Variants in CDH24 observed in about 807,000 individuals in gnomAD.
CDH24 encodes cadherin-24.
A neutral mutation model predicts 71.2 loss-of-function variants in CDH24; 61 were observed. That is an observed-to-expected ratio of 0.86 (90% CI 0.70 to 1.06). The LOEUF (loss-of-function observed/expected upper bound fraction) is 1.06. CDH24 is among the 50% of genes least tolerant of loss of function. The pLI, the probability that CDH24 is intolerant of heterozygous loss-of-function variation, is 0.00. For missense variants in CDH24, 961 were observed against 1,083.7 expected (o/e 0.89, Z 1.59); for synonymous variants, 440 against 470.2 (o/e 0.94, Z 0.83).
At chr14:23,050,272 T>G in intron 8 of CDH24, 1 of 230,492 alleles carries the variant, frequency 4.3e-6, no homozygotes, top group Non-Finnish European at 8.5e-6. Context: ...TGCATACGAG[T>G]TGCATGCAGA....
Position 23,054,079 on chromosome 14 carries a change from T to C in CDH24, c.972+62A>G, listed in dbSNP as rs749874184. ...TCTGTTCTAGAAGAACAGTTAAATA[T>C]GTGCCCTGTGGGTCGGCAGGAGGCA... On this transcript the variant is annotated intron_variant, in intron 6 of 12. Coordinates refer to ENST00000487137, the MANE Select transcript of CDH24 (RefSeq NM_144985.4). The surrounding 1 kb of genome is among the most constrained non-coding windows in gnomAD (Gnocchi z 5.2). The C allele has an allele frequency of 7.4e-5, 109 of 1,480,692 alleles. No homozygotes were observed. Among genetic ancestry groups the C allele is most frequent in the Non-Finnish European group, 9.4e-5 (104 of 1,101,044 alleles). 91.7% of individuals were successfully genotyped at this position (1,480,692 alleles called of 1,614,324 possible).
intron 8 of CDH24, 196 bp from the exon 9 acceptor site, chr14:23,050,139 T>A: frequency 1.5e-6 from 1 of 684,662 alleles, no homozygotes. Context: ...ACAATATTCA[T>A]GTAGTACCCA....
At chr14:23,056,230 T>C (rs1039455228) in intron 1 of CDH24, among the ~76,000 whole-genome samples, 6 of 152,228 alleles carry the variant, frequency 3.9e-5, no homozygotes, top group African/African-American at 1.4e-4. Context: ...TTGGGATTCA[T>C]GGAGGTGTGG....
Position 23,052,008 on chromosome 14 carries a change from TG to T in CDH24, c.1363+464del. The T allele has an allele frequency of 1.9e-6, 3 of 1,589,456 alleles. No homozygotes were observed. In the East Asian group the frequency reaches 6.9e-5, roughly 36 times the overall value. On this transcript the variant is annotated intron_variant, in intron 8 of 12. Transcript: ENST00000487137. ...CACAGCGCTTCCAACAGGGCTTCTC[TG>T]GGGTGGGGCTGCTGGTGCACTCCAC...
chr14:23,050,984 G>A (rs35322369), intron 8 of CDH24, among the ~76,000 whole-genome samples: 24 of 152,050 alleles, frequency 1.6e-4, no homozygotes, highest in East Asian at 1.2e-3. Flanking sequence ...GTCTGGGTGC[G>A]GGTAGGAGCA....
Position 23,053,514 on chromosome 14 carries a change from G to A in CDH24, c.1208C>T (p.Ser403Phe), listed in dbSNP as rs753411461. Reference protein sequence around the residue: ...VGQISAADLDSPASPIRYSIL... With the variant: ...VGQISAADLDFPASPIRYSIL... Reference sequence around the variant, plus strand: ...CACCTACCTGATTGGGCTGGCAGGGGAGTCCAGGTCAGCCGCGGAGATCTG... The same window carrying A: ...CACCTACCTGATTGGGCTGGCAGGGAAGTCCAGGTCAGCCGCGGAGATCTG... The change falls in exon 7 of 13, where the codon TCC becomes TTC. Residue 403 changes from serine to phenylalanine, a missense_variant. Physicochemically the swap from Ser to Phe is radical, Grantham distance 155 (BLOSUM62 -2). Around this residue, in one of 2 missense-constraint regions of CDH24, gnomAD observed 671 missense variants for 810.9 expected, o/e 0.83. Coordinates refer to ENST00000487137, the MANE Select transcript of CDH24 (RefSeq NM_144985.4). 1.3e-6 allele frequency: 2 copies of A among 1,582,284 alleles called. No individual in the cohort carries two copies. Among genetic ancestry groups the A allele is most frequent in the Non-Finnish European group, 1.7e-6 (2 of 1,157,034 alleles).
Position 23,054,302 on chromosome 14 carries a change from T to C in CDH24, c.811A>G (p.Thr271Ala), listed in dbSNP as rs1339659055. 6.2e-7 allele frequency: 1 copy of C among 1,607,370 alleles called. No homozygotes were observed. The highest frequency in any genetic ancestry group is 8.5e-7 in the Non-Finnish European group (1 of 1,176,032). ...QSLYQFSVVE[T>A]AGPGTLVGRL... ...CCCACCAGTGTGCCAGGTCCAGCTG[T>C]CTCCACCACGGAGAACTGGTATAGG... Residue 271 changes from threonine to alanine, a missense_variant, in exon 6 of 13, where the codon ACA (threonine) becomes GCA (alanine). By Grantham distance (58) the Thr-to-Ala change is moderately conservative. Coordinates refer to ENST00000487137, the MANE Select transcript of CDH24 (RefSeq NM_144985.4). The surrounding 1 kb of genome is among the most constrained non-coding windows in gnomAD (Gnocchi z 5.2).
chr14:23,048,351 C>T lies in CDH24; in HGVS notation c.1975G>A (p.Ala659Thr), dbSNP rs760230215. 1 of 1,611,910 alleles carries T rather than the reference C, an allele frequency of 6.2e-7. No individual in the cohort carries two copies. Reference protein sequence around the residue: ...DEGGGEEDTEAFDITALQNPD... With the variant: ...DEGGGEEDTETFDITALQNPD... ...TTCTGCAAGGCCGTGATGTCGAAGGCCTCGGTGTCCTCCTCGCCGCCGCCC... is the reference window on the plus strand; with the variant it reads ...TTCTGCAAGGCCGTGATGTCGAAGGTCTCGGTGTCCTCCTCGCCGCCGCCC... The change falls in exon 12 of 13, where the codon GCC (alanine) becomes ACC (threonine). Residue 659 changes from alanine to threonine, a missense_variant. Transcript: ENST00000487137.
chr14:23,054,076 A>G lies in CDH24; in HGVS notation c.972+65T>C. ...GAGTCTGTTCTAGAAGAACAGTTAA[A>G]TATGTGCCCTGTGGGTCGGCAGGAG... On this transcript the variant is annotated intron_variant, in intron 6 of 12. Transcript: ENST00000487137. The surrounding 1 kb of genome is among the most constrained non-coding windows in gnomAD (Gnocchi z 5.2). 7 of 1,474,228 alleles carry G rather than the reference A, an allele frequency of 4.7e-6. No individual in the cohort carries two copies. Among genetic ancestry groups the G allele is most frequent in the Non-Finnish European group, 6.4e-6 (7 of 1,096,660 alleles). 91.3% of individuals were successfully genotyped at this position (1,474,228 alleles called of 1,614,324 possible).
rs750643462 is a variant in CDH24, at chr14:23,054,279, C to T, written c.834G>A (p.Val278=). Residue 278 remains valine, a synonymous_variant, in exon 6 of 13, where the codon GTG becomes GTA. Transcript: ENST00000487137. The surrounding 1 kb of genome is among the most constrained non-coding windows in gnomAD (Gnocchi z 5.2). ...CTGGGTCCTGGGCCCGGAGCCGGCC[C>T]ACCAGTGTGCCAGGTCCAGCTGTCT... ...VVETAGPGTL[V]GRLRAQDPDL... 3 of 1,612,490 alleles carry T rather than the reference C, an allele frequency of 1.9e-6. No individual in the cohort carries two copies. Among genetic ancestry groups the T allele is most frequent in the Non-Finnish European group, 2.5e-6 (3 of 1,179,070 alleles).
Position 23,055,965 on chromosome 14 carries a change from A to G in CDH24, c.-124-108T>C. The G allele has an allele frequency of 1.9e-6, 1 of 534,912 alleles. No individual in the cohort carries two copies. The highest frequency in any genetic ancestry group is 3.3e-6 in the Non-Finnish European group (1 of 299,264). The allele number at this position is 534,912 out of a possible 1,614,324, so 33.1% of individuals were successfully genotyped here. A position where few individuals can be genotyped will look rare whatever the true frequency, so the allele number is the denominator to read the frequency against. ...CAAGGAACCAGACACTCCACTGCCCAGAACTCAGACTAAGACAGAGAGCAG... is the reference window on the plus strand; with the variant it reads ...CAAGGAACCAGACACTCCACTGCCCGGAACTCAGACTAAGACAGAGAGCAG... On this transcript the variant is annotated intron_variant, in intron 1 of 12. Transcript: ENST00000487137. The surrounding 1 kb of genome is among the most constrained non-coding windows in gnomAD (Gnocchi z 4.1).
At position 23,049,231 on chromosome 14, in the gene CDH24, G is replaced by T; in HGVS notation, c.1642C>A (p.Arg548Ser). 6.3e-7 allele frequency: 1 copy of T among 1,575,722 alleles called. No homozygotes were observed. Among genetic ancestry groups the T allele is most frequent in the East Asian group, 2.3e-5 (1 of 43,218 alleles). Residue 548 changes from arginine to serine, a missense_variant, in exon 11 of 13, where the codon CGC (arginine) becomes AGC (serine). Physicochemically the swap from Arg to Ser is moderately radical, Grantham distance 110 (BLOSUM62 -1). Coordinates refer to ENST00000487137, the MANE Select transcript of CDH24 (RefSeq NM_144985.4). ...LLLPSRPAPP[R>S]HAPYLVPIEL... ...ATGGGAACCAAGTAGGGGGCATGGC[G>T]GGGTGGAGCAGGGCGGGAGGGCAGC...
Position 23,057,321 on chromosome 14 carries a change from CT to C in CDH24, c.-125+81del, listed in dbSNP as rs1424831159. The stretch of plus-strand genomic sequence containing the variant: ...GGGCTCCCAGCCACGGAGCGCACCC[CT>C]CCGAAGACCCCCGCAGGCTGCGGGC... On this transcript the variant is annotated intron_variant, in intron 1 of 12. Transcript: ENST00000487137. This position sits in a 1 kb window ranked among gnomAD's most constrained non-coding sequence, Gnocchi z 5.4. 1.3e-5 allele frequency: 2 copies of C among 152,094 alleles called. No homozygotes were observed. Among genetic ancestry groups the C allele is most frequent in the African/African-American group, 4.8e-5 (2 of 41,388 alleles). 9.4% of individuals were successfully genotyped at this position (152,094 alleles called of 1,614,324 possible).
In CDH24 at chr14:23,051,090, G is replaced by A. The variant is rs915558412; in HGVS notation, c.1364-1147C>T. Among the ~76,000 whole-genome samples the A allele has an allele frequency of 2.6e-5, 4 of 151,994 alleles. No homozygotes were observed. The highest frequency in any genetic ancestry group is 2.1e-4 in the South Asian group (1 of 4,820). On this transcript the variant is annotated intron_variant, in intron 8 of 12. Transcript: ENST00000487137. The surrounding 1 kb of genome is among the most constrained non-coding windows in gnomAD (Gnocchi z 4.4). ...AGCCAAAAACATACTGTGTGTACAC[G>A]GACACACACGGCCATCCACACAGAC...
At chr14:23,053,427 C>A in intron 7 of CDH24, 69 bp downstream of exon 7, 2 of 1,456,284 alleles carry the variant, frequency 1.4e-6, no homozygotes, top group Admixed American at 2.4e-5. Context: ...GTAGGGGGCA[C>A]ATTTACTCAT....
chr14:23,049,842 C>G lies in CDH24; in HGVS notation c.1465G>C (p.Asp489His). The change falls in exon 9 of 13, where the codon GAC becomes CAC. Residue 489 changes from aspartate (D) to histidine (H), a missense_variant. This residue lies in a region of CDH24 where 671 missense variants were observed against 810.9 expected (regional missense o/e 0.83). Coordinates refer to ENST00000487137, the MANE Select transcript of CDH24 (RefSeq NM_144985.4). The part of the protein sequence containing the change: ...LAEPYDTFVC[D>H]SAAPGQLIQV... Reference sequence around the variant, plus strand: ...CTCACCTGGCCAGGAGCTGCAGAGTCACACACAAAAGTATCGTAGGGCTCA... The same window carrying G: ...CTCACCTGGCCAGGAGCTGCAGAGTGACACACAAAAGTATCGTAGGGCTCA... 6.2e-7 allele frequency: 1 copy of G among 1,614,026 alleles called. No homozygotes were observed. The highest frequency in any genetic ancestry group is 8.5e-7 in the Non-Finnish European group (1 of 1,179,988).
rs78717454 is a variant in CDH24 at position 23,048,858 on chromosome 14, C to T, written c.1846+169G>A. Among the ~76,000 whole-genome samples the T allele has an allele frequency of 3.5e-4, 53 of 152,228 alleles. No individual in the cohort carries two copies. The East Asian group carries it at 9.6e-3, about 28-fold the overall frequency. On this transcript the variant is annotated intron_variant, in intron 11 of 12. Transcript: ENST00000487137. ...ATTGTCATTATGGATTGGCAGGTCA[C>T]GGATAGAGGCCAGAGCTTTTCTCTT...
Position 23,054,926 on chromosome 14 carries a change from G to A in CDH24, c.497-60C>T, listed in dbSNP as rs2047114975. 15 of 1,568,606 alleles carry A rather than the reference G, an allele frequency of 9.6e-6. 1 individual carries two copies. The Middle Eastern group carries it at 5.0e-4, about 53-fold the overall frequency. On this transcript the variant is annotated intron_variant, in intron 3 of 12. Coordinates refer to ENST00000487137, the MANE Select transcript of CDH24 (RefSeq NM_144985.4). This position sits in a 1 kb window ranked among gnomAD's most constrained non-coding sequence, Gnocchi z 5.2. ...CAGGGAAGGATGGGGAAGAACAACC[G>A]ATGGGGGGGGATGCAGATACGAGGG...
At position 23,054,529 on chromosome 14, in the gene CDH24, T is replaced by C; in HGVS notation, c.761A>G (p.Asp254Gly). 6.2e-7 allele frequency: 1 copy of C among 1,613,724 alleles called. No individual in the cohort carries two copies. Among genetic ancestry groups the C allele is most frequent in the East Asian group, 2.2e-5 (1 of 44,878 alleles). The part of the protein sequence containing the change: ...TVTVTLSDVN[D>G]NPPKFPQSLY... Reference sequence around the variant, plus strand: ...ACTCTGTGGGAACTTGGGGGGGTTGTCGTTGACATCGCTGAGCGTGACAGT... The same window carrying C: ...ACTCTGTGGGAACTTGGGGGGGTTGCCGTTGACATCGCTGAGCGTGACAGT... The change falls in exon 5 of 13, where the codon GAC becomes GGC. Residue 254 changes from aspartate (D) to glycine (G), a missense_variant. This residue lies in a region of CDH24 where 671 missense variants were observed against 810.9 expected (regional missense o/e 0.83). Transcript: ENST00000487137. This position sits in a 1 kb window ranked among gnomAD's most constrained non-coding sequence, Gnocchi z 5.2.
Sources: allele counts gnomAD v4.1 joint callset (sites outside exome capture counted in the v4.1 genomes callset), GRCh38; gene constraint gnomAD v4.1.1; regional missense constraint gnomAD v4.1.1; non-coding constraint Gnocchi (gnomAD v3.1); transcripts MANE v1.5; gene names NCBI Gene and HGNC (gene_info 2026-07-23, HGNC 2026-07-21).